The following DNAH10 variants were observed in gnomAD, a reference collection of about 807,000 sequenced individuals.
The protein encoded by DNAH10 is axonemal beta dynein heavy chain 10.
DNAH10 carries 348 observed loss-of-function variants against 506.6 expected under a neutral mutation model. That is an observed-to-expected ratio of 0.69 (90% CI 0.63 to 0.75). The LOEUF is 0.75. DNAH10 is among the 30% of genes least tolerant of loss of function. The pLI is 0.00. For missense variants in DNAH10, 5,179 were observed against 5,787.1 expected (o/e 0.89, Z 3.41); for synonymous variants, 2,059 against 2,198.6 (o/e 0.94, Z 1.78).
At chr12:123,923,150 A>T (rs1303893099) in intron 65 of DNAH10, 1 of 152,220 alleles carries the variant, frequency 6.6e-6, no homozygotes, top group African/African-American at 2.4e-5. Flanking sequence ...CTGTTGATGG[A>T]GTGTGTGTCC....
At position 123,916,728 on chromosome 12, in the gene DNAH10, A is replaced by T; in HGVS notation, c.10994A>T (p.Asn3665Ile). ...GTGTTTGGGAAAGCTATGGTGATCA[A>T]TTACACTGGTAAGAATGTGTAGAAC... is the stretch of plus-strand genomic sequence containing the variant. Reference protein sequence around the residue: ...PSVFGKAMVINYTVTLKGLED... With the variant: ...PSVFGKAMVIIYTVTLKGLED... The change falls in exon 63 of 79, where the codon AAT becomes ATT. Residue 3665 changes from asparagine (N) to isoleucine (I), a missense_variant. By Grantham distance (149) the Asn-to-Ile change is moderately radical. Coordinates refer to ENST00000673944, the MANE Select transcript of DNAH10 (RefSeq NM_001372106.1). This position sits in a 1 kb window ranked among gnomAD's most constrained non-coding sequence, Gnocchi z 4.6. 6.2e-7 allele frequency: 1 copy of T among 1,609,584 alleles called. No homozygotes were observed. Among genetic ancestry groups the T allele is most frequent in the Non-Finnish European group, 8.5e-7 (1 of 1,177,326 alleles).
At position 123,826,637 on chromosome 12, in the gene DNAH10, C is replaced by T. The variant is rs773290113; in HGVS notation, c.4180-50C>T. ...AGTCAAGAACTTGCTCTCCTTGTTG[C>T]ATTTCCAAAGGGGTCTTTGTTGATG... On this transcript the variant is annotated intron_variant, in intron 24 of 78. Coordinates refer to ENST00000673944, the MANE Select transcript of DNAH10 (RefSeq NM_001372106.1). 4 of 1,547,584 alleles carry T rather than the reference C, an allele frequency of 2.6e-6. No individual in the cohort carries two copies. The South Asian group carries it at 3.5e-5, about 13-fold the overall frequency.
chr12:123,879,576 A>G, intron 49 of DNAH10, 58 bp from the exon 50 acceptor site: 1 of 1,600,632 alleles, frequency 6.2e-7, no homozygotes, highest in South Asian at 1.1e-5. Context: ...GCTCCTAGCA[A>G]GTTTCAGGCC....
chr12:123,769,922 G>GTTTGTT (rs1555303330), intron 2 of DNAH10, among the ~76,000 whole-genome samples: 1 of 140,002 alleles, frequency 7.1e-6, no homozygotes, highest in Admixed American at 7.2e-5. Flanking sequence ...CCTGGCTAAG[G>GTTTGTT]TTTTTTTTTT....
Position 123,853,264 on chromosome 12 carries a change from A to G in DNAH10, c.6350A>G (p.Gln2117Arg), listed in dbSNP as rs757066915. The change falls in exon 36 of 79, where the codon CAG becomes CGG. Residue 2117 changes from glutamine (Q) to arginine (R), a missense_variant. This residue lies in a region of DNAH10 where 4,844 missense variants were observed against 5,430.5 expected (regional missense o/e 0.89). Coordinates refer to ENST00000673944, the MANE Select transcript of DNAH10 (RefSeq NM_001372106.1). The surrounding 1 kb of genome is among the most constrained non-coding windows in gnomAD (Gnocchi z 4.7). ...CTGGCCCGGGAGCAGCTGTCCAAGC[A>G]GTATCACTATGATTTTGGACTCAGA... ...YKLAREQLSK[Q>R]YHYDFGLRAL... 4 of 1,611,588 alleles carry G rather than the reference A, an allele frequency of 2.5e-6. No individual in the cohort carries two copies. The Admixed American group carries it at 5.0e-5, about 20-fold the overall frequency.
chr12:123,897,589 G>A (rs1317161146), intron 54 of DNAH10, among the ~76,000 whole-genome samples, 181 bp from the exon 55 acceptor site: 1 of 152,052 alleles, frequency 6.6e-6, no homozygotes, highest in Non-Finnish European at 1.5e-5. Context: ...ACCCAGGCAT[G>A]GTGGCCCATC....
At position 123,928,207 on chromosome 12, in the gene DNAH10, A is replaced by G. The variant is rs1955031128; in HGVS notation, c.12106-180A>G. 2 of 692,154 alleles carry G rather than the reference A, an allele frequency of 2.9e-6. No homozygotes were observed. Among genetic ancestry groups the G allele is most frequent in the South Asian group, 1.9e-5 (1 of 52,548 alleles). 42.9% of individuals were successfully genotyped at this position (692,154 alleles called of 1,614,324 possible). On this transcript the variant is annotated intron_variant, in intron 69 of 78. Coordinates refer to ENST00000673944, the MANE Select transcript of DNAH10 (RefSeq NM_001372106.1). This position sits in a 1 kb window ranked among gnomAD's most constrained non-coding sequence, Gnocchi z 4.9. ...CCAGCTCAGTGCACCCACGGGGCCC[A>G]TGGGGTTTCTCAAAGATGGTTTATT...
chr12:123,924,927 C>T (rs1005905720), intron 67 of DNAH10, 123 bp from the exon 68 acceptor site: 4 of 1,291,888 alleles, frequency 3.1e-6, no homozygotes, highest in Non-Finnish European at 4.2e-6. Flanking sequence ...GACCAGGTGG[C>T]CTTCAGTTAG....
At chr12:123,851,215 C>A in intron 35 of DNAH10, 139 bp downstream of exon 35, 2 of 870,774 alleles carry the variant, frequency 2.3e-6, no homozygotes, top group South Asian at 2.2e-5. Context: ...TGTGGCTCTT[C>A]CAGATGGGAC....
chr12:123,879,535 A>T (rs998442154), intron 49 of DNAH10, 99 bp from the exon 50 acceptor site: 1 of 1,538,930 alleles, frequency 6.5e-7, no homozygotes, highest in African/African-American at 1.4e-5. Context: ...AATAGAACGC[A>T]AATTATTTTA....
rs1353814597 is a variant in DNAH10, at chr12:123,910,679, C to A, written c.10134+7C>A. On this transcript the variant is annotated splice_region_variant and intron_variant, in intron 59 of 78. Transcript: ENST00000673944. The stretch of plus-strand genomic sequence containing the variant: ...CAAGCCCAAAAGAGAGAAGGTATTG[C>A]CCGAATGTAAGACTGCCACACCACT... The A allele has an allele frequency of 1.9e-6, 3 of 1,612,526 alleles. No homozygotes were observed. Among genetic ancestry groups the A allele is most frequent in the Admixed American group, 1.7e-5 (1 of 59,970 alleles).
In DNAH10 at chr12:123,910,592, G is replaced by A; in HGVS notation, c.10054G>A (p.Gly3352Arg). The A allele has an allele frequency of 6.2e-7, 1 of 1,613,648 alleles. No individual in the cohort carries two copies. Among genetic ancestry groups the A allele is most frequent in the Non-Finnish European group, 8.5e-7 (1 of 1,179,834 alleles). Residue 3352 changes from glycine to arginine, a missense_variant, in exon 59 of 79, where the codon GGG (glycine) becomes AGG (arginine). By Grantham distance (125) the Gly-to-Arg change is moderately radical. Transcript: ENST00000673944. ...AGAAATGGAAGCTGTCAGCAAAGCC[G>A]GGCTGGGGATGCTGAAATTTGTTGA... ...TEEMEAVSKA[G>R]LGMLKFVEAV...
In DNAH10 at chr12:123,819,018, A is replaced by C; in HGVS notation, c.3849A>C (p.Ser1283=). The stretch of plus-strand genomic sequence containing the variant: ...TATGGTCCAATCTGTTTAATGATTC[A>C]GTGAATGTGGAGCATGCTCTTGGGG... ...ESIWSNLFND[S]VNVEHALGDI... The change falls in exon 22 of 79, where the codon TCA becomes TCC. Residue 1283 remains serine (S), a synonymous_variant. Transcript: ENST00000673944. 6.2e-7 allele frequency: 1 copy of C among 1,607,472 alleles called. No homozygotes were observed. Among genetic ancestry groups the C allele is most frequent in the Non-Finnish European group, 8.5e-7 (1 of 1,176,858 alleles).
intron 24 of DNAH10, among the ~76,000 whole-genome samples, chr12:123,822,172 A>G (rs932907714): frequency 1.3e-5 from 2 of 152,188 alleles, no homozygotes; most frequent in African/African-American, 4.8e-5. Context: ...GCGCCACTGC[A>G]CTCCAGCCTG....
rs57589181 is a variant in DNAH10 at position 123,847,143 on chromosome 12, TATCCATCCATCC to T, written c.5815-779_5815-768del. Among the ~76,000 whole-genome samples, 631 of 144,924 alleles carry T rather than the reference TATCCATCCATCC, an allele frequency of 4.4e-3. 4 individuals carry two copies. Among genetic ancestry groups the T allele is most frequent in the African/African-American group, 0.014 (543 of 39,184 alleles). Reference sequence around the variant, plus strand: ...CCATCCGTGCATCCATCCATCTACATATCCATCCATCCATCCATCCATCCATCCATCCATCCA... The same window carrying T: ...CCATCCGTGCATCCATCCATCTACATATCCATCCATCCATCCATCCATCCA... On this transcript the variant is annotated intron_variant, in intron 32 of 78. Coordinates refer to ENST00000673944, the MANE Select transcript of DNAH10 (RefSeq NM_001372106.1).
chr12:123,764,372 T>C (rs1956939274), intron 1 of DNAH10, among the ~76,000 whole-genome samples: 2 of 152,168 alleles, frequency 1.3e-5, no homozygotes, highest in South Asian at 2.1e-4. Flanking sequence ...AGATTATAAC[T>C]GGACCTCGGA....
chr12:123,925,004 G>A lies in DNAH10; in HGVS notation c.11767-46G>A. 6.2e-7 allele frequency: 1 copy of A among 1,607,076 alleles called. No homozygotes were observed. On this transcript the variant is annotated intron_variant, in intron 67 of 78. Transcript: ENST00000673944. This position sits in a 1 kb window ranked among gnomAD's most constrained non-coding sequence, Gnocchi z 4.0. Reference sequence around the variant, plus strand: ...CCTTCACACATAAATGGGGACCTATGTCATTTCTGAGTTGACGCACAATGA... The same window carrying A: ...CCTTCACACATAAATGGGGACCTATATCATTTCTGAGTTGACGCACAATGA...
chr12:123,930,462 G>T lies in DNAH10; in HGVS notation c.12673G>T (p.Asp4225Tyr). 2 of 1,607,994 alleles carry T rather than the reference G, an allele frequency of 1.2e-6. No homozygotes were observed. Among genetic ancestry groups the T allele is most frequent in the East Asian group, 4.5e-5 (2 of 44,588 alleles). Residue 4225 changes from aspartate (D) to tyrosine (Y), a missense_variant, in exon 73 of 79, where the codon GAT (aspartate) becomes TAT (tyrosine). By Grantham distance (160) the Asp-to-Tyr change is radical (BLOSUM62 -3). Transcript: ENST00000673944. Reference protein sequence around the residue: ...FDRRILTIYMDEYLGDFIFDT... With the variant: ...FDRRILTIYMYEYLGDFIFDT... ...TCGCCGCATCCTGACCATCTACATG[G>T]ATGAGTACCTGGGGGACTTCATTTT...
chr12:123,808,162 A>G (rs1271882639), intron 18 of DNAH10, among the ~76,000 whole-genome samples: 1 of 152,098 alleles, frequency 6.6e-6, no homozygotes, highest in Non-Finnish European at 1.5e-5. Context: ...CCTCCTGAAT[A>G]TCTGGGACCA....
Sources: allele counts gnomAD v4.1 joint callset (sites outside exome capture counted in the v4.1 genomes callset), GRCh38; gene constraint gnomAD v4.1.1; regional missense constraint gnomAD v4.1.1; non-coding constraint Gnocchi (gnomAD v3.1); transcripts MANE v1.5; gene names NCBI Gene and HGNC (gene_info 2026-07-23, HGNC 2026-07-21).